The following CSMD1 variants were observed in gnomAD, a reference collection of about 807,000 sequenced individuals.
The protein encoded by CSMD1 is CUB and sushi domain-containing protein 1.
CSMD1 carries 213 observed loss-of-function variants against 417.5 expected under a neutral mutation model. That is an observed-to-expected ratio of 0.51 (90% CI 0.46 to 0.57). The LOEUF (loss-of-function observed/expected upper bound fraction) is 0.57. Among genes scored for constraint, CSMD1 ranks in the 20% least tolerant of loss-of-function variants. CSMD1 has a pLI of 0.00. For synonymous variants in CSMD1, 2,862 were observed against 1,736.8 expected (o/e 1.65, Z -16.11); for missense variants, 6,923 against 4,529.7 (o/e 1.53, Z -15.17).
chr8:4,419,001 C>T (rs969389860), intron 3 of CSMD1, among the ~76,000 whole-genome samples: 4 of 152,286 alleles, frequency 2.6e-5, no homozygotes, highest in African/African-American at 9.6e-5. Context: ...CTGCTAATTT[C>T]ACTACAGCCA....
intron 1 of CSMD1, among the ~76,000 whole-genome samples, chr8:4,814,438 G>A (rs112087385): frequency 1.3e-5 from 2 of 152,106 alleles, no homozygotes; most frequent in African/African-American, 4.8e-5. Flanking sequence ...GTAGAAACAC[G>A]GTTTCACCAT....
chr8:3,141,020 C>T (rs1027029412), intron 41 of CSMD1, among the ~76,000 whole-genome samples: 11 of 152,186 alleles, frequency 7.2e-5, no homozygotes, highest in African/African-American at 2.2e-4. Flanking sequence ...GAGAGACCTA[C>T]AGACTTACTG....
Position 3,179,764 on chromosome 8 carries a change from C to T in CSMD1, c.5725+1346G>A, listed in dbSNP as rs150986931. 2.5e-3 allele frequency among the ~76,000 whole-genome samples: 374 copies of T among 152,274 alleles called. 2 individuals carry two copies. Among genetic ancestry groups the T allele is most frequent in the African/African-American group, 8.7e-3 (363 of 41,554 alleles). On this transcript the variant is annotated intron_variant, in intron 37 of 69. Transcript: ENST00000635120. Reference sequence around the variant, plus strand: ...TTATGTTTTTCTATCTACAGAGAGTCACAAAGTATATCAAAGTAGCAGATT... The same window carrying T: ...TTATGTTTTTCTATCTACAGAGAGTTACAAAGTATATCAAAGTAGCAGATT...
chr8:4,735,501 T>A (rs532372478), intron 1 of CSMD1, among the ~76,000 whole-genome samples: 1 of 152,336 alleles, frequency 6.6e-6, no homozygotes, highest in Admixed American at 6.5e-5. Flanking sequence ...ATGCAACATT[T>A]TAATGCAACT....
At chr8:3,616,562 C>A (rs1802148395) in intron 8 of CSMD1, 148 bp downstream of exon 8, 1 of 602,864 alleles carries the variant, frequency 1.7e-6, no homozygotes, top group Non-Finnish European at 2.9e-6. Flanking sequence ...TCTCTGAAGA[C>A]AAATTGTGAT....
intron 5 of CSMD1, among the ~76,000 whole-genome samples, chr8:3,837,249 A>G (rs975656560): frequency 6.6e-6 from 1 of 152,216 alleles, no homozygotes; most frequent in African/African-American, 2.4e-5. Context: ...AAGCTTATTC[A>G]ACCCTTTGTA....
chr8:4,037,024 C>G (rs1187047388), intron 3 of CSMD1, among the ~76,000 whole-genome samples: 1 of 150,336 alleles, frequency 6.7e-6, no homozygotes, highest in Admixed American at 6.7e-5. Flanking sequence ...GTGTCCTGTC[C>G]AGGGCTGGTG....
intron 41 of CSMD1, among the ~76,000 whole-genome samples, chr8:3,139,506 A>C (rs1269072259): frequency 6.6e-6 from 1 of 152,162 alleles, no homozygotes; most frequent in African/African-American, 2.4e-5. Context: ...TGACATTAAC[A>C]TCTCCTGCAA....
chr8:4,512,080 G>T (rs377570226), intron 2 of CSMD1, among the ~76,000 whole-genome samples: 1 of 152,026 alleles, frequency 6.6e-6, no homozygotes, highest in East Asian at 1.9e-4. Context: ...CGTATAAAAA[G>T]AATTATATAC....
intron 1 of CSMD1, among the ~76,000 whole-genome samples, chr8:4,811,647 T>A (rs1361743962): frequency 2.6e-5 from 4 of 152,094 alleles, no homozygotes; most frequent in African/African-American, 4.8e-5. Flanking sequence ...CTGTCATAAC[T>A]GGACTTTTTA....
chr8:3,454,898 G>T (rs1365423666), intron 12 of CSMD1, among the ~76,000 whole-genome samples: 1 of 152,204 alleles, frequency 6.6e-6, no homozygotes, highest in Non-Finnish European at 1.5e-5. Context: ...ATAACATCCT[G>T]CAGAGTGTTT....
At chr8:3,772,908 T>A (rs1180721720) in intron 5 of CSMD1, among the ~76,000 whole-genome samples, 7 of 151,994 alleles carry the variant, frequency 4.6e-5, no homozygotes, top group African/African-American at 1.2e-4. Flanking sequence ...TGAGGGCTGA[T>A]AAAAGACATG....
chr8:4,737,710 G>C (rs548625563), intron 1 of CSMD1, among the ~76,000 whole-genome samples: 46 of 152,190 alleles, frequency 3.0e-4, no homozygotes, highest in Non-Finnish European at 5.3e-4. Context: ...GGCTGCTGAA[G>C]TACCTAAGCA....
chr8:4,348,546 AGT>A (rs1233992590), intron 3 of CSMD1, among the ~76,000 whole-genome samples: 2 of 144,784 alleles, frequency 1.4e-5, no homozygotes, highest in Non-Finnish European at 3.0e-5. Flanking sequence ...CACAAATAAA[AGT>A]GTGTGTGTGC....
At chr8:2,981,594 G>A (rs764731949) in intron 54 of CSMD1, among the ~76,000 whole-genome samples, 19 of 152,062 alleles carry the variant, frequency 1.2e-4, no homozygotes, top group Non-Finnish European at 4.4e-5. Context: ...TTGTCAGCTG[G>A]GAGGAATGAG....
chr8:4,773,535 G>C (rs190241930), intron 1 of CSMD1, among the ~76,000 whole-genome samples: 139 of 152,232 alleles, frequency 9.1e-4, no homozygotes, highest in African/African-American at 3.1e-3. Flanking sequence ...TTATGATTCA[G>C]TTGAAAGAAA....
intron 7 of CSMD1, among the ~76,000 whole-genome samples, chr8:3,658,553 C>T (rs1256076797): frequency 1.3e-5 from 2 of 151,268 alleles, no homozygotes; most frequent in Non-Finnish European, 2.9e-5. Context: ...GAGGCCAAGG[C>T]AGGTGGATGA....
At chr8:4,285,956 C>G (rs73500653) in intron 3 of CSMD1, among the ~76,000 whole-genome samples, 2,770 of 152,202 alleles carry the variant, frequency 0.018, 46 homozygotes, top group Non-Finnish European at 0.028. Flanking sequence ...ATCCGCAATG[C>G]TATAATTACA....
At chr8:3,203,268 A>T (rs1204014806) in intron 31 of CSMD1, among the ~76,000 whole-genome samples, 1 of 152,168 alleles carries the variant, frequency 6.6e-6, no homozygotes, top group Non-Finnish European at 1.5e-5. Flanking sequence ...CATTCTGGAC[A>T]TGGCCCCAAC....
Sources: allele counts gnomAD v4.1 joint callset (sites outside exome capture counted in the v4.1 genomes callset), GRCh38; gene constraint gnomAD v4.1.1; transcripts MANE v1.5; gene names NCBI Gene and HGNC (gene_info 2026-07-23, HGNC 2026-07-21).